PRKN: variants seen among roughly 807,000 people sequenced by gnomAD.
PRKN encodes parkin RBR E3 ubiquitin protein ligase, also known as E3 ubiquitin-protein ligase parkin.
PRKN carries 56 observed loss-of-function variants against 59.5 expected under a neutral mutation model. That is an observed-to-expected ratio of 0.94 (90% CI 0.76 to 1.18). PRKN has a LOEUF of 1.18. PRKN is among the 50% of genes most tolerant of loss of function. The pLI, the probability that PRKN is intolerant of heterozygous loss-of-function variation, is 0.00. For missense variants in PRKN, 657 were observed against 596.4 expected (o/e 1.10, Z -1.06); for synonymous variants, 250 against 222.1 (o/e 1.13, Z -1.12).
chr6:162,035,521 T>G (rs570216051), intron 5 of PRKN, among the ~76,000 whole-genome samples: 62 of 152,324 alleles, frequency 4.1e-4, no homozygotes, highest in African/African-American at 1.4e-3. Flanking sequence ...AACTTAGGTG[T>G]TAAAAATAAG....
rs548414541 is a variant in PRKN, at chr6:162,232,238, G to A, written c.412+30287C>T. On this transcript the variant is annotated intron_variant, in intron 3 of 11. Transcript: ENST00000366898. ...CTCCTATTTTCTGAGCCTAGCTCAC[G>A]GCACTGTTGCTGACCTGCAGTGCCT... 3.9e-5 allele frequency among the ~76,000 whole-genome samples: 6 copies of A among 152,202 alleles called. 1 individual carries two copies. In the South Asian group the frequency reaches 6.2e-4, roughly 16 times the overall value.
chr6:161,999,876 C>T (rs551118704), intron 5 of PRKN, among the ~76,000 whole-genome samples: 67 of 152,114 alleles, frequency 4.4e-4, no homozygotes, highest in African/African-American at 1.5e-3. Context: ...AAATGATGAA[C>T]TGAGTTACTA....
intron 9 of PRKN, among the ~76,000 whole-genome samples, chr6:161,403,933 T>C (rs1322228986): frequency 6.6e-6 from 1 of 152,184 alleles, no homozygotes; most frequent in Non-Finnish European, 1.5e-5. Flanking sequence ...GCCAGCATCA[T>C]GCTCTTGGAC....
chr6:162,353,727 T>C (rs1784720924), intron 2 of PRKN, among the ~76,000 whole-genome samples: 1 of 152,118 alleles, frequency 6.6e-6, no homozygotes. Context: ...TAGACTGATA[T>C]TGAAACCCCA....
In PRKN at chr6:161,582,512, C is replaced by T. The variant is rs144368130; in HGVS notation, c.872-13096G>A. ...CGCGATCTAGGCTCACTGCAAGCTC[C>T]GCCTCCCAGGTTCACGCCATTCTCC... On this transcript the variant is annotated intron_variant, in intron 7 of 11. Coordinates refer to ENST00000366898, the MANE Select transcript of PRKN (RefSeq NM_004562.3). The surrounding 1 kb of genome is among the most constrained non-coding windows in gnomAD (Gnocchi z 4.4). 2.5e-4 allele frequency among the ~76,000 whole-genome samples: 38 copies of T among 151,792 alleles called. No homozygotes were observed. The highest frequency in any genetic ancestry group is 3.9e-4 in the East Asian group (2 of 5,122).
chr6:162,631,853 GT>G (rs1450656801), intron 1 of PRKN, among the ~76,000 whole-genome samples: 6 of 151,832 alleles, frequency 4.0e-5, no homozygotes, highest in Non-Finnish European at 2.9e-5. Flanking sequence ...TCCATTTTTA[GT>G]TTTTTTATAT....
At position 161,589,601 on chromosome 6, in the gene PRKN, A is replaced by G. The variant is rs1781642414; in HGVS notation, c.872-20185T>C. 2.0e-5 allele frequency among the ~76,000 whole-genome samples: 3 copies of G among 152,068 alleles called. 1 individual carries two copies. The South Asian group carries it at 6.2e-4, about 32-fold the overall frequency. On this transcript the variant is annotated intron_variant, in intron 7 of 11. Transcript: ENST00000366898. ...GAGGAAAATACATGTAAGGCACACA[A>G]AAACCATCTATTTTGTGTATGTAAT...
intron 1 of PRKN, among the ~76,000 whole-genome samples, chr6:162,700,075 C>T (rs1778099810): frequency 1.3e-5 from 2 of 152,108 alleles, no homozygotes; most frequent in Non-Finnish European, 2.9e-5. Context: ...TCATTTAGTA[C>T]ACCCCACAAA....
chr6:162,673,621 A>C (rs1318757889), intron 1 of PRKN, among the ~76,000 whole-genome samples: 4 of 152,142 alleles, frequency 2.6e-5, no homozygotes, highest in Admixed American at 2.0e-4. Flanking sequence ...CCTGAGTTCA[A>C]GCGATCCACC....
chr6:161,728,890 CA>C (rs1787560958), intron 7 of PRKN, among the ~76,000 whole-genome samples: 1 of 152,202 alleles, frequency 6.6e-6, no homozygotes, highest in Non-Finnish European at 1.5e-5. Flanking sequence ...ATATACTTAA[CA>C]AATCTTCTTA....
chr6:162,178,940 C>T (rs995911447), intron 4 of PRKN, among the ~76,000 whole-genome samples: 2 of 152,168 alleles, frequency 1.3e-5, no homozygotes, highest in African/African-American at 4.8e-5. Flanking sequence ...GGTGCGATCA[C>T]AGCTCGCAGC....
At chr6:162,434,328 T>C (rs1014401571) in intron 2 of PRKN, among the ~76,000 whole-genome samples, 2 of 152,208 alleles carry the variant, frequency 1.3e-5, no homozygotes, top group African/African-American at 2.4e-5. Context: ...TCCATTCAAA[T>C]GAGTCTGTGC....
At chr6:162,210,855 C>CT (rs1048793055) in intron 3 of PRKN, among the ~76,000 whole-genome samples, 1 of 151,932 alleles carries the variant, frequency 6.6e-6, no homozygotes, top group Non-Finnish European at 1.5e-5. Context: ...AAAATAAAAG[C>CT]TTTTTTTATT....
intron 1 of PRKN, among the ~76,000 whole-genome samples, chr6:162,470,122 A>C (rs1791657495): frequency 6.6e-6 from 1 of 152,176 alleles, no homozygotes; most frequent in South Asian, 2.1e-4. Context: ...TATCAATGAC[A>C]GGTCTCCCAC....
intron 7 of PRKN, among the ~76,000 whole-genome samples, chr6:161,745,599 C>T (rs1397287910): frequency 6.6e-6 from 1 of 152,128 alleles, no homozygotes; most frequent in Non-Finnish European, 1.5e-5. Context: ...TGTATACTCT[C>T]CAGTTGACCC....
At chr6:162,425,538 C>CA (rs1355283229) in intron 2 of PRKN, among the ~76,000 whole-genome samples, 1 of 152,076 alleles carries the variant, frequency 6.6e-6, no homozygotes, top group African/African-American at 2.4e-5. Context: ...TCAGAAAAGG[C>CA]AGTGACATTG....
At chr6:161,818,436 G>C (rs569496865) in intron 6 of PRKN, among the ~76,000 whole-genome samples, 1 of 151,828 alleles carries the variant, frequency 6.6e-6, no homozygotes, top group Admixed American at 6.6e-5. Context: ...CCATGCCCAA[G>C]TATCTCCTGC....
chr6:162,200,711 A>C (rs920164318), intron 4 of PRKN, among the ~76,000 whole-genome samples: 12 of 152,160 alleles, frequency 7.9e-5, no homozygotes, highest in Admixed American at 3.9e-4. Context: ...TGGTGCACCA[A>C]TCTTAACGCA....
At chr6:162,381,700 A>G (rs1024196646) in intron 2 of PRKN, among the ~76,000 whole-genome samples, 5 of 151,698 alleles carry the variant, frequency 3.3e-5, no homozygotes, top group South Asian at 2.1e-4. Flanking sequence ...GTTAAAAATG[A>G]TATGTTTTTA....
Sources: allele counts gnomAD v4.1 joint callset (sites outside exome capture counted in the v4.1 genomes callset), GRCh38; gene constraint gnomAD v4.1.1; non-coding constraint Gnocchi (gnomAD v3.1); transcripts MANE v1.5; gene names NCBI Gene and HGNC (gene_info 2026-07-23, HGNC 2026-07-21).